The following ATXN7L1 variants were observed in gnomAD, a reference collection of about 807,000 sequenced individuals.
ATXN7L1 encodes the protein ataxin-7-like protein 1.
In ATXN7L1, 15 loss-of-function variants were observed where a neutral mutation model predicts 70.8. The ratio of observed to expected loss-of-function variants is 0.21; its 90% CI spans 0.14 to 0.33. ATXN7L1 has a LOEUF of 0.33. ATXN7L1 is among the 10% of genes least tolerant of loss of function. The pLI, the probability that ATXN7L1 is intolerant of heterozygous loss-of-function variation, is 1.00. For missense variants in ATXN7L1, 975 were observed against 1,097.1 expected, an observed-to-expected ratio of 0.89 and a Z score of 1.57; for synonymous variants, 440 against 445.1, an observed-to-expected ratio of 0.99 and a Z score of 0.14.
intron 3 of ATXN7L1, among the ~76,000 whole-genome samples, chr7:105,701,285 T>C (rs771093784): frequency 1.3e-5 from 2 of 152,200 alleles, no homozygotes; most frequent in Non-Finnish European, 2.9e-5. Context: ...CTAAAATGTA[T>C]CCATGATAAT....
chr7:105,615,091 T>A (rs990475550), intron 9 of ATXN7L1, among the ~76,000 whole-genome samples: 1 of 152,158 alleles, frequency 6.6e-6, no homozygotes, highest in East Asian at 1.9e-4. Flanking sequence ...TTTGGGTTCA[T>A]GAATAAAAGG....
At chr7:105,757,047 T>C (rs755670514) in intron 3 of ATXN7L1, among the ~76,000 whole-genome samples, 21 of 152,140 alleles carry the variant, frequency 1.4e-4, no homozygotes, top group Non-Finnish European at 2.6e-4. Context: ...CTACAAATAC[T>C]ACCTTCAAAA....
intron 2 of ATXN7L1, among the ~76,000 whole-genome samples, chr7:105,870,047 C>T (rs141556458): frequency 0.019 from 2,853 of 152,058 alleles, 37 homozygotes; most frequent in South Asian, 0.029. Context: ...TTTGGGAGGC[C>T]GAGGCGGGCG....
chr7:105,611,113 C>G (rs1427444229), intron 10 of ATXN7L1, among the ~76,000 whole-genome samples: 1 of 152,268 alleles, frequency 6.6e-6, no homozygotes, highest in African/African-American at 2.4e-5. Context: ...CGCAACTGTT[C>G]TTTAGGAAAA....
At chr7:105,715,107 G>T (rs142236658) in intron 3 of ATXN7L1, among the ~76,000 whole-genome samples, 65 of 152,298 alleles carry the variant, frequency 4.3e-4, no homozygotes, top group Non-Finnish European at 6.5e-4. Context: ...TACAATAGTA[G>T]TAAGACCATA....
chr7:105,692,183 C>G (rs1365167842), intron 3 of ATXN7L1, among the ~76,000 whole-genome samples: 1 of 152,120 alleles, frequency 6.6e-6, no homozygotes, highest in East Asian at 1.9e-4. Context: ...GGAGGTGTCA[C>G]ATGACACACT....
At chr7:105,742,562 G>A (rs1689897447) in intron 3 of ATXN7L1, among the ~76,000 whole-genome samples, 1 of 152,188 alleles carries the variant, frequency 6.6e-6, no homozygotes, top group African/African-American at 2.4e-5. Context: ...TCCCAAGGCT[G>A]CACAACTAGA....
At chr7:105,767,034 G>A (rs979684567) in intron 3 of ATXN7L1, among the ~76,000 whole-genome samples, 3 of 152,232 alleles carry the variant, frequency 2.0e-5, no homozygotes, top group Admixed American at 1.3e-4. Flanking sequence ...GCAGGACGGC[G>A]GGCAGGAAGC....
chr7:105,682,476 C>T (rs1481386270), intron 3 of ATXN7L1, among the ~76,000 whole-genome samples: 4 of 152,166 alleles, frequency 2.6e-5, no homozygotes, highest in Admixed American at 1.3e-4. Flanking sequence ...TCCATGTCCA[C>T]AAATGTTCAT....
intron 3 of ATXN7L1, among the ~76,000 whole-genome samples, chr7:105,753,039 T>C (rs907023912): frequency 5.6e-4 from 85 of 152,244 alleles, no homozygotes; most frequent in Non-Finnish European, 1.5e-5. Flanking sequence ...TAAATGATTG[T>C]AACACAGCCA....
chr7:105,815,913 G>A (rs892712421), intron 2 of ATXN7L1, among the ~76,000 whole-genome samples: 2 of 152,110 alleles, frequency 1.3e-5, no homozygotes, highest in Non-Finnish European at 2.9e-5. Context: ...ATGTGCAATG[G>A]GCATCTCATA....
At chr7:105,764,539 T>A (rs1639239878) in intron 3 of ATXN7L1, among the ~76,000 whole-genome samples, 1 of 152,178 alleles carries the variant, frequency 6.6e-6, no homozygotes, top group Admixed American at 6.5e-5. Context: ...TATCACTGAC[T>A]TAAAGGATTA....
chr7:105,616,343 T>C lies in ATXN7L1; in HGVS notation c.1518-1527A>G, dbSNP rs115889180. ...ACTGCTGAGAGATAAATGTCTCTCCTAGCGTTCCTCTCTGAAGATTCTGCT... is the reference window on the plus strand; with the variant it reads ...ACTGCTGAGAGATAAATGTCTCTCCCAGCGTTCCTCTCTGAAGATTCTGCT... On this transcript the variant is annotated intron_variant, in intron 9 of 11. Transcript: ENST00000419735. Among the ~76,000 whole-genome samples the C allele has an allele frequency of 9.8e-3, 1,498 of 152,312 alleles. 28 individuals are homozygous for C. The highest frequency in any genetic ancestry group is 0.034 in the African/African-American group (1,413 of 41,562).
intron 4 of ATXN7L1, among the ~76,000 whole-genome samples, chr7:105,645,274 A>C: frequency 6.6e-6 from 1 of 152,360 alleles, no homozygotes; most frequent in East Asian, 1.9e-4. Flanking sequence ...ATTTTACCAC[A>C]ATTAAAAATG....
chr7:105,671,268 T>A (rs1584647000), intron 3 of ATXN7L1, among the ~76,000 whole-genome samples: 1 of 141,216 alleles, frequency 7.1e-6, no homozygotes, highest in Non-Finnish European at 1.5e-5. Context: ...GACAACAGAG[T>A]GAGACTCCGT....
chr7:105,651,892 C>T (rs557679187), intron 4 of ATXN7L1, among the ~76,000 whole-genome samples: 1 of 152,258 alleles, frequency 6.6e-6, no homozygotes, highest in South Asian at 2.1e-4. Flanking sequence ...ACTCTATAAG[C>T]CCCCCTCTAG....
At chr7:105,700,564 A>G (rs1030226641) in intron 3 of ATXN7L1, among the ~76,000 whole-genome samples, 1 of 150,822 alleles carries the variant, frequency 6.6e-6, no homozygotes, top group African/African-American at 2.4e-5. Flanking sequence ...ATGTTGCTCC[A>G]TGAATGACCA....
chr7:105,726,404 A>G (rs1795823081), intron 3 of ATXN7L1, among the ~76,000 whole-genome samples: 1 of 152,136 alleles, frequency 6.6e-6, no homozygotes, highest in African/African-American at 2.4e-5. Context: ...GGCAGCACAG[A>G]AGTTACCTTA....
At chr7:105,767,971 T>C (rs1801500950) in intron 3 of ATXN7L1, among the ~76,000 whole-genome samples, 1 of 152,240 alleles carries the variant, frequency 6.6e-6, no homozygotes, top group Admixed American at 6.5e-5. Context: ...TGTTTCTAAA[T>C]TCAGGCCAGA....
Sources: gnomAD v4.1 joint callset for allele counts (sites outside exome capture counted in the v4.1 genomes callset) on GRCh38, gnomAD v4.1.1 for gene constraint, MANE v1.5 for transcripts, NCBI Gene and HGNC (gene_info 2026-07-23, HGNC 2026-07-21) for gene names.